ZNF543: variants seen among roughly 807,000 people sequenced by gnomAD.
ZNF543 encodes the protein zinc finger protein 543.
A neutral mutation model predicts 13.4 loss-of-function variants in ZNF543; 10 were observed. The ratio of observed to expected loss-of-function variants is 0.75; its 90% CI spans 0.46 to 1.26. The LOEUF (loss-of-function observed/expected upper bound fraction) is 1.26, where lower values mean the gene tolerates loss of function less well. Ranked by LOEUF, ZNF543 falls within the 50% of genes most tolerant of loss-of-function variation. The probability of loss-of-function intolerance (pLI) is 0.00; values close to 1 mark genes in which losing one functional copy is unlikely to be tolerated. For missense variants in ZNF543, 768 were observed against 741.2 expected (o/e 1.04, Z -0.42); for synonymous variants, 272 against 264.7 (o/e 1.03, Z -0.27).
Position 57,329,029 on chromosome 19 carries a change from A to G in ZNF543, c.1567A>G (p.Ile523Val). The G allele has an allele frequency of 6.2e-7, 1 of 1,614,144 alleles. No homozygotes were observed. The highest frequency in any genetic ancestry group is 8.5e-7 in the Non-Finnish European group (1 of 1,180,038). The change falls in exon 4 of 4, where the codon ATT (isoleucine) becomes GTT (valine). Residue 523 changes from isoleucine to valine, a missense_variant. Ile to Val is a conservative substitution (Grantham distance 29). Around this residue, in one of 3 missense-constraint regions of ZNF543, gnomAD observed 677 missense variants for 631.4 expected, o/e 1.07. Transcript: ENST00000321545. ...AGCCTTTTGCCGGAGCGCAAACCTT[A>G]TTCGACACTCCATCATTCACACTGG... Reference protein sequence around the residue: ...GKAFCRSANLIRHSIIHTGEK... With the variant: ...GKAFCRSANLVRHSIIHTGEK...
At position 57,323,666 on chromosome 19, in the gene ZNF543, C is replaced by G. The variant is rs2056552151; in HGVS notation, c.19-16C>G. ...AGTTCCAAGGGAAACACTACTATCT[C>G]TGTTTAATTTTCCAGGTGTCTGTGA... On this transcript the variant is annotated splice_polypyrimidine_tract_variant and intron_variant, in intron 1 of 3. Coordinates refer to ENST00000321545, the MANE Select transcript of ZNF543 (RefSeq NM_213598.4). 1 of 1,610,960 alleles carries G rather than the reference C, an allele frequency of 6.2e-7. No homozygotes were observed. The highest frequency in any genetic ancestry group is 1.1e-5 in the South Asian group (1 of 91,048).
rs748458287 is a variant in ZNF543 at position 57,327,893 on chromosome 19, G to A, written c.431G>A (p.Gly144Glu). The change falls in exon 4 of 4, where the codon GGG becomes GAG. Residue 144 changes from glycine (G) to glutamate (E), a missense_variant. Around this residue, in one of 3 missense-constraint regions of ZNF543, gnomAD observed 677 missense variants for 631.4 expected, o/e 1.07. Transcript: ENST00000321545. ...AAAATAGGGATAGGCCCCCAGCGGG[G>A]GAAGCTGCTGGAGAAAATGAGTTCT... The part of the protein sequence containing the change: ...HLKIGIGPQR[G>E]KLLEKMSSER... 1.4e-5 allele frequency: 22 copies of A among 1,614,030 alleles called. No homozygotes were observed. In the East Asian group the frequency reaches 3.3e-4, roughly 25 times the overall value.
chr19:57,324,349 C>A (rs1452800861), intron 2 of ZNF543, among the ~76,000 whole-genome samples: 2 of 126,998 alleles, frequency 1.6e-5, no homozygotes, highest in African/African-American at 6.6e-5. Flanking sequence ...AGAGAGACTC[C>A]GTCTGAAAAA....
At chr19:57,326,573 T>G in intron 2 of ZNF543, 60 bp from the exon 3 acceptor site, 10 of 1,319,918 alleles carry the variant, frequency 7.6e-6, no homozygotes, top group Non-Finnish European at 1.1e-5. Context: ...CCAGATCAGA[T>G]TGACAGGTTT....
Position 57,328,518 on chromosome 19 carries a change from A to G in ZNF543, c.1056A>G (p.Ser352=), listed in dbSNP as rs1426297604. ...IECGKAFNRR[S]YLTWHQQIHT... is the part of the protein sequence containing the mutation. ...GTGGGAAGGCCTTCAACCGCCGGTCATACCTCACGTGGCACCAACAGATTC... is the reference window on the plus strand; with the variant it reads ...GTGGGAAGGCCTTCAACCGCCGGTCGTACCTCACGTGGCACCAACAGATTC... The change falls in exon 4 of 4, where the codon TCA becomes TCG. Residue 352 remains serine, a synonymous_variant. Transcript: ENST00000321545. 5 of 1,614,190 alleles carry G rather than the reference A, an allele frequency of 3.1e-6. No homozygotes were observed. Among genetic ancestry groups the G allele is most frequent in the Middle Eastern group, 1.6e-4 (1 of 6,062 alleles).
rs770340039 is a variant in ZNF543, at chr19:57,328,187, T to A, written c.725T>A (p.Leu242His). The change falls in exon 4 of 4, where the codon CTT becomes CAT. Residue 242 changes from leucine (L) to histidine (H), a missense_variant. Leu to His is a moderately conservative substitution (Grantham distance 99). Transcript: ENST00000321545. ...CGKTFSKSTH[L>H]LQHLIIHTGE... ...AAAACCTTTAGCAAGAGCACTCATCTTCTTCAGCACCTCATCATCCACACT... is the reference window on the plus strand; with the variant it reads ...AAAACCTTTAGCAAGAGCACTCATCATCTTCAGCACCTCATCATCCACACT... 8.7e-6 allele frequency: 14 copies of A among 1,613,168 alleles called. No individual in the cohort carries two copies. Among genetic ancestry groups the A allele is most frequent in the Non-Finnish European group, 1.1e-5 (13 of 1,179,318 alleles).
chr19:57,325,908 C>T (rs1236047212), intron 2 of ZNF543, among the ~76,000 whole-genome samples: 1 of 152,178 alleles, frequency 6.6e-6, no homozygotes, highest in Non-Finnish European at 1.5e-5. Context: ...GGCAGCCTCC[C>T]TCATTTAGCC....
At chr19:57,326,863 G>GCC (rs752772288) in intron 3 of ZNF543, 135 bp downstream of exon 3, 37,650 of 577,182 alleles carry the variant, frequency 0.065, 1,657 homozygotes, top group East Asian at 0.16. Context: ...GCCTCTCCCC[G>GCC]CCCGCCCCCC....
chr19:57,323,660 C>T (rs1293011215), intron 1 of ZNF543, 22 bp from the exon 2 acceptor site: 1 of 1,609,738 alleles, frequency 6.2e-7, no homozygotes, highest in Non-Finnish European at 8.5e-7. Flanking sequence ...GGAAACACTA[C>T]TATCTCTGTT....
chr19:57,320,501 T>C lies in ZNF543; in HGVS notation c.-353T>C, dbSNP rs569033975. On this transcript the variant is annotated 5_prime_UTR_variant, in exon 1 of 4. Coordinates refer to ENST00000321545, the MANE Select transcript of ZNF543 (RefSeq NM_213598.4). Reference sequence around the variant, plus strand: ...CGTGACGTCATCTCCGTGAGCAGGATTGGCCCTGGAACAGTGTGGGGCCTG... The same window carrying C: ...CGTGACGTCATCTCCGTGAGCAGGACTGGCCCTGGAACAGTGTGGGGCCTG... The C allele has an allele frequency of 1.4e-4, 32 of 227,256 alleles. No individual in the cohort carries two copies. Among genetic ancestry groups the C allele is most frequent in the Non-Finnish European group, 2.2e-4 (25 of 115,132 alleles). The allele number at this position is 227,256 out of a possible 1,614,324, so 14.1% of individuals were successfully genotyped here. A position where few individuals can be genotyped will look rare whatever the true frequency, so the allele number is the denominator to read the frequency against.
chr19:57,327,189 C>T (rs1450968419), intron 3 of ZNF543, among the ~76,000 whole-genome samples: 3 of 151,758 alleles, frequency 2.0e-5, no homozygotes, highest in African/African-American at 7.3e-5. Flanking sequence ...CAAGTTAGGT[C>T]CCAGATGTAT....
In ZNF543 at chr19:57,328,157, G is replaced by A. The variant is rs1292066735; in HGVS notation, c.695G>A (p.Cys232Tyr). The A allele has an allele frequency of 3.1e-6, 5 of 1,614,236 alleles. No individual in the cohort carries two copies. The East Asian group carries it at 1.1e-4, about 36-fold the overall frequency. The change falls in exon 4 of 4, where the codon TGT becomes TAT. Residue 232 changes from cysteine (C) to tyrosine (Y), a missense_variant. Coordinates refer to ENST00000321545, the MANE Select transcript of ZNF543 (RefSeq NM_213598.4). ...GTGAAGCCCTATGAATGCACAGAGT[G>A]TGGGAAAACCTTTAGCAAGAGCACT... ...TQVKPYECTE[C>Y]GKTFSKSTHL...
At position 57,328,071 on chromosome 19, in the gene ZNF543, A is replaced by G. The variant is rs749293641; in HGVS notation, c.609A>G (p.Glu203=). 3.7e-6 allele frequency: 6 copies of G among 1,614,142 alleles called. No homozygotes were observed. The African/African-American group carries it at 8.0e-5, about 22-fold the overall frequency. Residue 203 remains glutamate (E), a synonymous_variant, in exon 4 of 4, where the codon GAA becomes GAG. Coordinates refer to ENST00000321545, the MANE Select transcript of ZNF543 (RefSeq NM_213598.4). ...REEKNSYKCE[E]CGKVFKKNAL... Reference sequence around the variant, plus strand: ...AGAAAAATTCCTATAAATGTGAGGAATGCGGGAAAGTGTTTAAAAAGAATG... The same window carrying G: ...AGAAAAATTCCTATAAATGTGAGGAGTGCGGGAAAGTGTTTAAAAAGAATG...
Position 57,320,735 on chromosome 19 carries a change from G to T in ZNF543, c.-119G>T, listed in dbSNP as rs925000035. On this transcript the variant is annotated 5_prime_UTR_variant, in exon 1 of 4. Transcript: ENST00000321545. ...CCGCTTTGTGCGCATTTTTCTCTGG[G>T]GAAACTGAGGCTCCGAGTGCGAAAG... is the stretch of plus-strand genomic sequence containing the variant. 10 of 1,294,932 alleles carry T rather than the reference G, an allele frequency of 7.7e-6. No individual in the cohort carries two copies. The highest frequency in any genetic ancestry group is 1.1e-5 in the Non-Finnish European group (10 of 944,808). The allele number at this position is 1,294,932 out of a possible 1,614,324, so 80.2% of individuals were successfully genotyped here.
At chr19:57,324,196 A>C (rs927635732) in intron 2 of ZNF543, among the ~76,000 whole-genome samples, 9 of 151,994 alleles carry the variant, frequency 5.9e-5, no homozygotes, top group African/African-American at 2.2e-4. Context: ...CTAAAAATAC[A>C]AAAAATTAGC....
rs745911539 is a variant in ZNF543, at chr19:57,326,663, A to G, written c.176A>G (p.Tyr59Cys). 3.7e-6 allele frequency: 6 copies of G among 1,614,062 alleles called. No homozygotes were observed. Among genetic ancestry groups the G allele is most frequent in the Non-Finnish European group, 5.1e-6 (6 of 1,179,948 alleles). ...GCPLFKPELI[Y>C]QLDHRQELWM... ...CCTTTGTTCAAACCAGAGCTGATCT[A>G]CCAGTTGGATCACAGACAGGAGCTA... The change falls in exon 3 of 4, where the codon TAC becomes TGC. Residue 59 changes from tyrosine (Y) to cysteine (C), a missense_variant. This residue lies in a region of ZNF543 where 77 missense variants were observed against 75.5 expected (regional missense o/e 1.02). Transcript: ENST00000321545.
rs1265445796 is a variant in ZNF543, at chr19:57,328,032, C to T, written c.570C>T (p.Ala190=). 2.1e-5 allele frequency: 34 copies of T among 1,614,194 alleles called. No homozygotes were observed. Among genetic ancestry groups the T allele is most frequent in the Non-Finnish European group, 2.6e-5 (31 of 1,180,042 alleles). ...ATTCACATGGACCAGTTACAGATGC[C>T]TTGATTCGCGAAGAGAAAAATTCCT... ...ECDSHGPVTD[A]LIREEKNSYK... Residue 190 remains alanine, a synonymous_variant, in exon 4 of 4, where the codon GCC becomes GCT. Coordinates refer to ENST00000321545, the MANE Select transcript of ZNF543 (RefSeq NM_213598.4).
chr19:57,322,889 G>A (rs1220830743), intron 1 of ZNF543, among the ~76,000 whole-genome samples: 3 of 152,152 alleles, frequency 2.0e-5, no homozygotes, highest in Admixed American at 6.5e-5. Context: ...TAGCAGGCTT[G>A]TGTTGATTTC....
intron 2 of ZNF543, among the ~76,000 whole-genome samples, chr19:57,324,283 G>A (rs2088108073): frequency 6.6e-6 from 1 of 151,188 alleles, no homozygotes; most frequent in African/African-American, 2.4e-5. Context: ...CCCGGGAGGC[G>A]GAAGTTGCAG....
Sources: gnomAD v4.1 joint callset for allele counts (sites outside exome capture counted in the v4.1 genomes callset) on GRCh38, gnomAD v4.1.1 for gene constraint, gnomAD v4.1.1 regional missense constraint, MANE v1.5 for transcripts, NCBI Gene and HGNC (gene_info 2026-07-23, HGNC 2026-07-21) for gene names.